Variants in CILP observed in about 807,000 individuals in gnomAD.
CILP encodes the protein cartilage intermediate layer protein, also known as cartilage intermediate layer protein 1.
A neutral mutation model predicts 82.5 loss-of-function variants in CILP; 75 were observed. That is an observed-to-expected ratio of 0.91 (90% CI 0.75 to 1.10). CILP has a LOEUF of 1.10. Among genes scored for constraint, CILP ranks in the 50% least tolerant of loss-of-function variants. The probability of loss-of-function intolerance (pLI) is 0.00; values close to 1 mark genes in which losing one functional copy is unlikely to be tolerated. For synonymous variants in CILP, 530 were observed against 580.3 expected (o/e 0.91, Z 1.25); for missense variants, 1,479 against 1,530.8 (o/e 0.97, Z 0.56).
At position 65,198,755 on chromosome 15, in the gene CILP, A is replaced by G. The variant is rs2088413176; in HGVS notation, c.1531T>C (p.Tyr511His). ...ATGCTTACACGGCTGTTCCCCATGT[A>G]CACATGGCCAAAGCGCATGGGCTCC... ...NGEPMRFGHV[Y>H]MGNSRVSMTG... The change falls in exon 9 of 9, where the codon TAC becomes CAC. Residue 511 changes from tyrosine (Y) to histidine (H), a missense_variant. Transcript: ENST00000261883. 1 of 1,614,030 alleles carries G rather than the reference A, an allele frequency of 6.2e-7. No individual in the cohort carries two copies. Among genetic ancestry groups the G allele is most frequent in the Admixed American group, 1.7e-5 (1 of 59,988 alleles).
rs552383517 is a variant in CILP at position 65,199,989 on chromosome 15, C to T, written c.1187-890G>A. 3.9e-4 allele frequency among the ~76,000 whole-genome samples: 60 copies of T among 152,264 alleles called. No individual in the cohort carries two copies. In the South Asian group the frequency reaches 4.1e-3, roughly 11 times the overall value. On this transcript the variant is annotated intron_variant, in intron 8 of 8. Transcript: ENST00000261883. ...TCTCAGGAAAATCACGTTTCTACAA[C>T]ACCATTACCCAAGGACTGTGAATGC...
rs1331913013 is a variant in CILP, at chr15:65,194,862, C to CA, written c.*1868_*1869insT. ...CCCACCTTCCCCAGCAACCCACCCC[C>CA]CCCCGACCCTCCCCCTCCCCCCGTG... On this transcript the variant is annotated 3_prime_UTR_variant, in exon 9 of 9. Transcript: ENST00000261883. 2 of 146,046 alleles carry CA rather than the reference C, an allele frequency of 1.4e-5. No homozygotes were observed. The highest frequency in any genetic ancestry group is 3.0e-5 in the Non-Finnish European group (2 of 66,298). The allele number at this position is 146,046 out of a possible 1,614,324, so 9.0% of individuals were successfully genotyped here. A position where few individuals can be genotyped will look rare whatever the true frequency, so the allele number is the denominator to read the frequency against.
Position 65,198,316 on chromosome 15 carries a change from T to C in CILP, c.1970A>G (p.Tyr657Cys), listed in dbSNP as rs1175505861. The C allele has an allele frequency of 1.4e-5, 23 of 1,614,134 alleles. No individual in the cohort carries two copies. The highest frequency in any genetic ancestry group is 1.8e-5 in the Non-Finnish European group (21 of 1,180,048). Reference sequence around the variant, plus strand: ...TCTGAAGTCCACAGAGAACATGCCATACGTCCGAAGGGGGAAAGTGTCTCC... The same window carrying C: ...TCTGAAGTCCACAGAGAACATGCCACACGTCCGAAGGGGGAAAGTGTCTCC... ...DEGDTFPLRT[Y>C]GMFSVDFRDE... Residue 657 changes from tyrosine (Y) to cysteine (C), a missense_variant, in exon 9 of 9, where the codon TAT becomes TGT. By Grantham distance (194) the Tyr-to-Cys change is radical. Coordinates refer to ENST00000261883, the MANE Select transcript of CILP (RefSeq NM_003613.4).
rs550320492 is a variant in CILP, at chr15:65,201,840, C to G, written c.1186+32G>C. The G allele has an allele frequency of 2.8e-6, 4 of 1,451,064 alleles. No individual in the cohort carries two copies. In the Admixed American group the frequency reaches 1.0e-4, roughly 36 times the overall value. The allele number at this position is 1,451,064 out of a possible 1,614,324, so 89.9% of individuals were successfully genotyped here. On this transcript the variant is annotated intron_variant, in intron 8 of 8. Transcript: ENST00000261883. ...GGTGCTCAGCCAACCCTGTTGCAGACCCAGGGGCCCCAGGGACCCAGACAG... is the reference window on the plus strand; with the variant it reads ...GGTGCTCAGCCAACCCTGTTGCAGAGCCAGGGGCCCCAGGGACCCAGACAG...
chr15:65,207,610 C>T lies in CILP; in HGVS notation c.154+62G>A, dbSNP rs1216382444. 3.5e-6 allele frequency: 5 copies of T among 1,439,416 alleles called. No homozygotes were observed. The African/African-American group carries it at 5.6e-5, about 16-fold the overall frequency. 89.2% of individuals were successfully genotyped at this position (1,439,416 alleles called of 1,614,324 possible). ...GACATCATGCCCTGGCTTCAGAGAT[C>T]CACTTCGGAAGCTCGTTAAAGGCTG... On this transcript the variant is annotated intron_variant, in intron 3 of 8. Coordinates refer to ENST00000261883, the MANE Select transcript of CILP (RefSeq NM_003613.4).
rs1221108989 is a variant in CILP at position 65,205,424 on chromosome 15, G to A, written c.467C>T (p.Ser156Phe). 1 of 1,613,862 alleles carries A rather than the reference G, an allele frequency of 6.2e-7. No individual in the cohort carries two copies. The highest frequency in any genetic ancestry group is 1.1e-5 in the South Asian group (1 of 91,070). Residue 156 changes from serine (S) to phenylalanine (F), a missense_variant, in exon 5 of 9, where the codon TCT becomes TTT. Coordinates refer to ENST00000261883, the MANE Select transcript of CILP (RefSeq NM_003613.4). ...GGCAGCTGAGCACTTGCTCCAGGGA[G>A]ACCATGGGCTCCAGATGCGCTCTGT... is the stretch of plus-strand genomic sequence containing the variant. ...RDTERIWSPW[S>F]PWSKCSAACG...
chr15:65,203,258 C>A, intron 7 of CILP, 104 bp downstream of exon 7: 2 of 788,896 alleles, frequency 2.5e-6, no homozygotes, highest in East Asian at 5.0e-5. Flanking sequence ...TTACTTGTAA[C>A]TTTATTCTGT....
At chr15:65,209,330 A>G (rs986543022) in intron 2 of CILP, among the ~76,000 whole-genome samples, 1 of 152,072 alleles carries the variant, frequency 6.6e-6, no homozygotes, top group African/African-American at 2.4e-5. Context: ...CCAAACCCCA[A>G]ACCTGCTTCT....
chr15:65,204,455 G>T lies in CILP; in HGVS notation c.732C>A (p.Tyr244Ter). 6.2e-7 allele frequency: 1 copy of T among 1,614,108 alleles called. No individual in the cohort carries two copies. The highest frequency in any genetic ancestry group is 2.2e-5 in the East Asian group (1 of 44,872). Residue 244 changes from tyrosine to a stop codon, truncating the protein, a stop_gained, in exon 6 of 9, where the codon TAC becomes TAA. Transcript: ENST00000261883. LOFTEE classifies it high-confidence loss of function. ...GCAGCTTCGGCGTCTTGGTCAGGAG[G>T]TAGATAGCAGCCCCTGAGGCTGGGG... ...GGAPASGAAI[Y>*]LLTKTPKLLT...
rs185181701 is a variant in CILP, at chr15:65,203,426, C to T, written c.964G>A (p.Ala322Thr). Residue 322 changes from alanine (A) to threonine (T), a missense_variant, in exon 7 of 9, where the codon GCT becomes ACT. Ala to Thr is a moderately conservative substitution (Grantham distance 58, BLOSUM62 0). Transcript: ENST00000261883. ...CAGCACAGAGACACGCTCTGCCCAG[C>T]TCTCCGTGCTTTTGTCTCAGGGTTC... is the stretch of plus-strand genomic sequence containing the variant. ...VMNPETKARR[A>T]GQSVSLCCKA... 3.5e-5 allele frequency: 56 copies of T among 1,612,990 alleles called. No individual in the cohort carries two copies. In the East Asian group the frequency reaches 1.2e-3, roughly 33 times the overall value.
intron 4 of CILP, 40 bp downstream of exon 4, chr15:65,206,742 G>A: frequency 1.3e-6 from 2 of 1,582,020 alleles, no homozygotes; most frequent in South Asian, 2.3e-5. Context: ...GTAGAGGCCA[G>A]TGGGAAGTAG....
rs371376958 is a variant in CILP at position 65,207,002 on chromosome 15, C to G, written c.204G>C (p.Lys68Asn). The G allele has an allele frequency of 2.5e-6, 4 of 1,614,046 alleles. No individual in the cohort carries two copies. Among genetic ancestry groups the G allele is most frequent in the Non-Finnish European group, 3.4e-6 (4 of 1,180,028 alleles). Residue 68 changes from lysine (K) to asparagine (N), a missense_variant, in exon 4 of 9, where the codon AAG (lysine) becomes AAC (asparagine). Lys to Asn is a moderately conservative substitution (Grantham distance 94, BLOSUM62 0). Transcript: ENST00000261883. ...TWFNIDYPGG[K>N]GDYERLDAIR... ...TGGCGTCCAGCCGCTCATAGTCGCC[C>G]TTCCCGCCTGGGTAGTCGATGTTGA...
Position 65,207,688 on chromosome 15 carries a change from A to C in CILP, c.138T>G (p.Pro46=). Residue 46 remains proline, a synonymous_variant, in exon 3 of 9, where the codon CCT becomes CCG. Coordinates refer to ENST00000261883, the MANE Select transcript of CILP (RefSeq NM_003613.4). The part of the protein sequence containing the change: ...GKKNPSIFAK[P]ADTLESPGEW... Reference sequence around the variant, plus strand: ...ACAACTCACTCTCCAGGGTGTCGGCAGGCTTGGCAAAGATGCTGGGGTTCT... The same window carrying C: ...ACAACTCACTCTCCAGGGTGTCGGCCGGCTTGGCAAAGATGCTGGGGTTCT... 1 of 1,614,120 alleles carries C rather than the reference A, an allele frequency of 6.2e-7. No homozygotes were observed. Among genetic ancestry groups the C allele is most frequent in the African/African-American group, 1.3e-5 (1 of 75,028 alleles).
intron 1 of CILP, among the ~76,000 whole-genome samples, chr15:65,211,104 T>A (rs1019600344): frequency 6.6e-6 from 1 of 152,162 alleles, no homozygotes; most frequent in Non-Finnish European, 1.5e-5. Flanking sequence ...AGGCTTGCCA[T>A]CCCACGCTCC....
In CILP at chr15:65,210,271, C is replaced by A. The variant is rs1048728024; in HGVS notation, c.-106-410G>T. On this transcript the variant is annotated intron_variant, in intron 1 of 8. Transcript: ENST00000261883. ...TCACACAGGCGGGTACATATTAAGG[C>A]CGTGAAGACTTGGCTCCGACTCCAG... Among the ~76,000 whole-genome samples, 11 of 152,268 alleles carry A rather than the reference C, an allele frequency of 7.2e-5. 1 individual carries two copies. Among genetic ancestry groups the A allele is most frequent in the Middle Eastern group, 3.4e-3 (1 of 294 alleles).
In CILP at chr15:65,201,747, A is replaced by AAAAG. The variant is rs1555416025; in HGVS notation, c.1186+121_1186+124dup. 6.6e-3 allele frequency: 2,569 copies of AAAAG among 391,778 alleles called. 62 individuals are homozygous for AAAAG. The highest frequency in any genetic ancestry group is 0.013 in the South Asian group (108 of 8,342). 24.3% of individuals were successfully genotyped at this position (391,778 alleles called of 1,614,324 possible). On this transcript the variant is annotated intron_variant, in intron 8 of 8. Coordinates refer to ENST00000261883, the MANE Select transcript of CILP (RefSeq NM_003613.4). ...CCATCTCAAAAAAAAAAAAAAAAAA[A>AAAAG]AAAGAAAGAAAGAAAAGAAAAGAAA...
intron 8 of CILP, 144 bp downstream of exon 8, chr15:65,201,728 C>CA (rs59737757): frequency 4.6e-4 from 123 of 270,222 alleles, no homozygotes; most frequent in African/African-American, 2.3e-3. Flanking sequence ...GACTCCATCT[C>CA]AAAAAAAAAA....
chr15:65,203,729 T>C (rs2088485887), intron 6 of CILP, among the ~76,000 whole-genome samples: 1 of 152,200 alleles, frequency 6.6e-6, no homozygotes, highest in Non-Finnish European at 1.5e-5. Context: ...GGACCTTGTG[T>C]CAGCCAAGAT....
At chr15:65,203,286 A>C in intron 7 of CILP, 76 bp downstream of exon 7, 1 of 925,570 alleles carries the variant, frequency 1.1e-6, no homozygotes, top group Non-Finnish European at 1.7e-6. Context: ...TGTTCTTATT[A>C]ATAAGTCCAG....
Sources: gnomAD v4.1 joint callset for allele counts (sites outside exome capture counted in the v4.1 genomes callset) on GRCh38, gnomAD v4.1.1 for gene constraint, MANE v1.5 for transcripts, NCBI Gene and HGNC (gene_info 2026-07-23, HGNC 2026-07-21) for gene names.